The following MAGI3 variants were observed in gnomAD, a reference collection of about 807,000 sequenced individuals.
MAGI3 encodes the protein membrane-associated guanylate kinase, WW and PDZ domain-containing protein 3.
In MAGI3, 43 loss-of-function variants were observed where a neutral mutation model predicts 121.8. The observed-to-expected ratio is 0.35, with a 90% CI of 0.28 to 0.46. The LOEUF (loss-of-function observed/expected upper bound fraction) is 0.46. Among genes scored for constraint, MAGI3 ranks in the 20% least tolerant of loss-of-function variants. The pLI is 1.00. For synonymous variants in MAGI3, 553 were observed against 639.3 expected, an observed-to-expected ratio of 0.86 and a Z score of 2.04; for missense variants, 1,547 against 1,797.3, an observed-to-expected ratio of 0.86 and a Z score of 2.52.
At chr1:113,559,647 A>T (rs1205611448) in intron 2 of MAGI3, among the ~76,000 whole-genome samples, 1 of 151,730 alleles carries the variant, frequency 6.6e-6, no homozygotes, top group African/African-American at 2.4e-5. Flanking sequence ...GGCTCACTGC[A>T]GCCTCCGCCT....
chr1:113,527,453 G>A (rs1160224103), intron 1 of MAGI3, among the ~76,000 whole-genome samples: 2 of 152,170 alleles, frequency 1.3e-5, no homozygotes, highest in African/African-American at 2.4e-5. Flanking sequence ...GTTAAATAGG[G>A]AGAAAGGCAT....
At chr1:113,485,080 C>G (rs116072590) in intron 1 of MAGI3, among the ~76,000 whole-genome samples, 3,540 of 152,118 alleles carry the variant, frequency 0.023, 133 homozygotes, top group African/African-American at 0.081. Flanking sequence ...GGCATTTGGG[C>G]TGGTTCCATA....
Position 113,622,966 on chromosome 1 carries a change from C to T in MAGI3, c.1332C>T (p.Pro444=), listed in dbSNP as rs143101501. The part of the protein sequence containing the change: ...LQVKNVLKDG[P]AAQDGKIAPG... ...TGAAAAATGTGCTGAAAGATGGTCCCGCAGCTCAGGATGGGAAAATTGCAC... is the reference window on the plus strand; with the variant it reads ...TGAAAAATGTGCTGAAAGATGGTCCTGCAGCTCAGGATGGGAAAATTGCAC... Residue 444 remains proline (P), a synonymous_variant, in exon 9 of 21, where the codon CCC becomes CCT. Transcript: ENST00000307546. The T allele has an allele frequency of 4.2e-4, 647 of 1,549,956 alleles. 3 individuals carry two copies. The African/African-American group carries it at 7.0e-3, about 17-fold the overall frequency.
chr1:113,674,005 C>T (rs1005119504), intron 19 of MAGI3, among the ~76,000 whole-genome samples: 1 of 152,138 alleles, frequency 6.6e-6, no homozygotes, highest in Non-Finnish European at 1.5e-5. Flanking sequence ...ACTGTGACTT[C>T]GTATAGGGAA....
At chr1:113,564,415 G>C (rs1660354496) in intron 2 of MAGI3, among the ~76,000 whole-genome samples, 1 of 152,190 alleles carries the variant, frequency 6.6e-6, no homozygotes, top group South Asian at 2.1e-4. Context: ...CTGTAGTTTA[G>C]GATAGATTCT....
intron 2 of MAGI3, among the ~76,000 whole-genome samples, chr1:113,551,965 C>T (rs975661630): frequency 6.6e-6 from 1 of 151,862 alleles, no homozygotes; most frequent in Non-Finnish European, 1.5e-5. Context: ...CCTTCTCTCC[C>T]ATCATCTGAC....
At chr1:113,572,188 G>T (rs1570882162) in intron 2 of MAGI3, among the ~76,000 whole-genome samples, 1 of 152,154 alleles carries the variant, frequency 6.6e-6, no homozygotes, top group Admixed American at 6.5e-5. Flanking sequence ...TTATGTGATG[G>T]ATTATGTTTA....
chr1:113,472,538 T>C (rs978007915), intron 1 of MAGI3, among the ~76,000 whole-genome samples: 5 of 152,176 alleles, frequency 3.3e-5, no homozygotes, highest in Non-Finnish European at 7.4e-5. Flanking sequence ...GTTAATTTTT[T>C]TCTGAATGTT....
intron 16 of MAGI3, among the ~76,000 whole-genome samples, chr1:113,669,203 A>G (rs1647368446): frequency 6.6e-6 from 1 of 152,248 alleles, no homozygotes; most frequent in Non-Finnish European, 1.5e-5. Flanking sequence ...TGGGCAGTAA[A>G]GTTTAGAGAC....
intron 2 of MAGI3, among the ~76,000 whole-genome samples, chr1:113,577,750 A>G (rs191723722): frequency 1.3e-5 from 2 of 152,300 alleles, no homozygotes; most frequent in African/African-American, 4.8e-5. Context: ...ATCCTGCTCA[A>G]CACCACCTTG....
intron 1 of MAGI3, among the ~76,000 whole-genome samples, chr1:113,434,652 G>A (rs1330422210): frequency 1.3e-4 from 20 of 152,124 alleles, no homozygotes; most frequent in Admixed American, 1.3e-3. Flanking sequence ...TATAACACTG[G>A]TTAATGTTGA....
At chr1:113,491,179 A>G (rs1216296224) in intron 1 of MAGI3, among the ~76,000 whole-genome samples, 2 of 152,158 alleles carry the variant, frequency 1.3e-5, no homozygotes, top group East Asian at 3.8e-4. Flanking sequence ...AACGAACAAT[A>G]TCTTGGACCA....
chr1:113,461,604 T>A (rs1188306139), intron 1 of MAGI3, among the ~76,000 whole-genome samples: 1 of 151,652 alleles, frequency 6.6e-6, no homozygotes, highest in Non-Finnish European at 1.5e-5. Flanking sequence ...AATGTAAAAT[T>A]CAAAACTATA....
intron 2 of MAGI3, among the ~76,000 whole-genome samples, chr1:113,567,390 C>T (rs910145459): frequency 3.3e-5 from 5 of 151,866 alleles, no homozygotes; most frequent in East Asian, 3.9e-4. Context: ...TTCCAGTGAA[C>T]GGAAGAGAAA....
chr1:113,496,338 A>G (rs1302981898), intron 1 of MAGI3, among the ~76,000 whole-genome samples: 1 of 152,130 alleles, frequency 6.6e-6, no homozygotes, highest in Non-Finnish European at 1.5e-5. Context: ...TTAGCTGCAT[A>G]TTTTCTGAAT....
chr1:113,528,132 G>A (rs1340419808), intron 1 of MAGI3, among the ~76,000 whole-genome samples: 1 of 151,996 alleles, frequency 6.6e-6, no homozygotes, highest in East Asian at 1.9e-4. Flanking sequence ...CTTAATATTA[G>A]CTACTATCCA....
At chr1:113,530,573 A>G (rs1658662666) in intron 1 of MAGI3, among the ~76,000 whole-genome samples, 1 of 151,860 alleles carries the variant, frequency 6.6e-6, no homozygotes, top group African/African-American at 2.4e-5. Flanking sequence ...ACAATACTGC[A>G]CATGTACCCA....
intron 16 of MAGI3, among the ~76,000 whole-genome samples, chr1:113,660,447 C>A (rs1653719990): frequency 6.6e-6 from 1 of 152,056 alleles, no homozygotes. Context: ...TAAGCTGGGC[C>A]TCACTGGCCT....
intron 1 of MAGI3, among the ~76,000 whole-genome samples, chr1:113,536,943 G>T (rs188426419): frequency 4.1e-4 from 63 of 152,158 alleles, no homozygotes; most frequent in South Asian, 2.5e-3. Context: ...TTTAATTGCA[G>T]GCCCCATAGC....
Sources: allele counts gnomAD v4.1 joint callset (sites outside exome capture counted in the v4.1 genomes callset), GRCh38; gene constraint gnomAD v4.1.1; transcripts MANE v1.5; gene names NCBI Gene and HGNC (gene_info 2026-07-23, HGNC 2026-07-21).